XG: variants seen among roughly 807,000 people sequenced by gnomAD.
XG encodes Xg glycoprotein (Xg blood group), also known as glycoprotein Xg.
Under a neutral mutation model 25.7 loss-of-function variants are expected in XG, and 24 were observed. That is an observed-to-expected ratio of 0.93 (90% CI 0.68 to 1.31). The LOEUF (loss-of-function observed/expected upper bound fraction) is 1.31, where lower values mean the gene tolerates loss of function less well. Among genes scored for constraint, XG ranks in the 40% most tolerant of loss-of-function variants. The pLI, the probability that XG is intolerant of heterozygous loss-of-function variation, is 0.00. For missense variants in XG, 181 were observed against 187.6 expected, an observed-to-expected ratio of 0.96 and a Z score of 0.21; for synonymous variants, 77 against 69.2, an observed-to-expected ratio of 1.11 and a Z score of -0.56.
intron 1 of XG, chrX:2,753,030 G>T: frequency 1.0e-6 from 1 of 956,050 alleles, no homozygotes; most frequent in South Asian, 4.8e-5. Flanking sequence ...TTCATGTGGC[G>T]ATTTCAGAGA....
chrX:2,803,048 T>C (rs933795088), intron 7 of XG, among the ~76,000 whole-genome samples: 13 of 112,116 alleles, frequency 1.2e-4, no homozygotes, highest in African/African-American at 4.2e-4. Flanking sequence ...ATTTTCTCAC[T>C]GTTATAATTT....
chrX:2,811,695 A>G (rs112054249), intron 10 of XG, among the ~76,000 whole-genome samples: 1 of 111,664 alleles, frequency 9.0e-6, no homozygotes, highest in Non-Finnish European at 1.9e-5. Context: ...TCCTGGGTTC[A>G]AGAGATTCTC....
At chrX:2,755,560 C>CAT (rs1569456918) in intron 1 of XG, among the ~76,000 whole-genome samples, 2 of 152,120 alleles carry the variant, frequency 1.3e-5, no homozygotes, top group African/African-American at 2.4e-5. Context: ...ATGCCTTAAT[C>CAT]ATCTGGGAAT....
In XG at chrX:2,811,487, C is replaced by T; in HGVS notation, c.571+35C>T. The T allele has an allele frequency of 2.9e-6, 3 of 1,020,964 alleles. No homozygotes were observed. In the South Asian group the frequency reaches 7.1e-5, roughly 24 times the overall value. The allele number at this position is 1,020,964 out of a possible 1,213,427, so 84.1% of individuals were successfully genotyped here. ...GCTCTAAACATTGTTTTGCTTGTTA[C>T]TAAGCCTGATTTAAAAAAAAAAATT... is the stretch of plus-strand genomic sequence containing the variant. On this transcript the variant is annotated intron_variant, in intron 10 of 10. Transcript: ENST00000644266.
At chrX:2,767,878 G>A (rs1353971249) in intron 1 of XG, among the ~76,000 whole-genome samples, 5 of 152,264 alleles carry the variant, frequency 3.3e-5, no homozygotes, top group Admixed American at 2.0e-4. Context: ...TGTGAGTCAC[G>A]CGTGCAGCAA....
At chrX:2,772,636 G>T (rs899928120) in intron 2 of XG, among the ~76,000 whole-genome samples, 6 of 152,164 alleles carry the variant, frequency 3.9e-5, no homozygotes, top group African/African-American at 1.2e-4. Context: ...GATACAGGTG[G>T]TGATTGTACA....
In XG at chrX:2,816,400, G is replaced by A. The variant is rs967258597; in HGVS notation, c.*2020G>A. On this transcript the variant is annotated 3_prime_UTR_variant, in exon 11 of 11. Transcript: ENST00000644266. ...GTTTGCTTCTGGCTCTGCCATTACT[G>A]AGACAGCAGGACCAACCCTCCATCT... is the stretch of plus-strand genomic sequence containing the variant. 2 of 112,005 alleles carry A rather than the reference G, an allele frequency of 1.8e-5. No homozygotes were observed. Among genetic ancestry groups the A allele is most frequent in the Non-Finnish European group, 3.8e-5 (2 of 53,226 alleles). 9.2% of individuals were successfully genotyped at this position (112,005 alleles called of 1,213,427 possible).
intron 3 of XG, among the ~76,000 whole-genome samples, chrX:2,778,776 T>A (rs2051055562): frequency 8.8e-6 from 1 of 113,570 alleles, no homozygotes; most frequent in Non-Finnish European, 2.0e-5. Context: ...CATGCGATAC[T>A]TTTTTTTTTT....
At chrX:2,777,500 G>C (rs2051025001) in intron 3 of XG, among the ~76,000 whole-genome samples, 2 of 152,182 alleles carry the variant, frequency 1.3e-5, no homozygotes, top group African/African-American at 2.4e-5. Flanking sequence ...GGCTGAGGTG[G>C]GAGGATCACT....
chrX:2,782,447 A>T (rs751513032), intron 4 of XG, among the ~76,000 whole-genome samples: 1 of 111,923 alleles, frequency 8.9e-6, no homozygotes, highest in Non-Finnish European at 1.9e-5. Flanking sequence ...ATTCACGCAG[A>T]GCCGGCTCTA....
At chrX:2,806,095 A>T (rs2086994317) in intron 7 of XG, among the ~76,000 whole-genome samples, 2 of 112,163 alleles carry the variant, frequency 1.8e-5, no homozygotes, top group Non-Finnish European at 3.8e-5. Flanking sequence ...GGACGTGATC[A>T]TAGATCATTG....
At chrX:2,769,298 G>A (rs1176917113) in intron 1 of XG, among the ~76,000 whole-genome samples, 1 of 152,170 alleles carries the variant, frequency 6.6e-6, no homozygotes, top group Non-Finnish European at 1.5e-5. Flanking sequence ...GGCTCACCTG[G>A]TTCCCCCAGG....
chrX:2,766,663 C>CAA (rs1441490881), intron 1 of XG, among the ~76,000 whole-genome samples: 1 of 149,026 alleles, frequency 6.7e-6, no homozygotes, highest in Non-Finnish European at 1.5e-5. Context: ...CTCCCGGGTT[C>CAA]ACGCCATTCT....
intron 7 of XG, among the ~76,000 whole-genome samples, chrX:2,805,764 T>C (rs895598803): frequency 2.7e-5 from 3 of 111,679 alleles, no homozygotes; most frequent in African/African-American, 9.8e-5. Context: ...TCTGTAGTCC[T>C]ATTGGATTAG....
chrX:2,797,391 G>A lies in XG; in HGVS notation c.373+31G>A, dbSNP rs368746982. ...CCTACATCTGGGCATGCGATGGTGGGTGGAGGGTGGGAGGGGTCATCTTTC... is the reference window on the plus strand; with the variant it reads ...CCTACATCTGGGCATGCGATGGTGGATGGAGGGTGGGAGGGGTCATCTTTC... On this transcript the variant is annotated intron_variant, in intron 7 of 10. Coordinates refer to ENST00000644266, the MANE Select transcript of XG (RefSeq NM_001141919.2). The A allele has an allele frequency of 1.4e-5, 16 of 1,173,909 alleles. No individual in the cohort carries two copies. In the African/African-American group the frequency reaches 2.5e-4, roughly 18 times the overall value.
intron 3 of XG, among the ~76,000 whole-genome samples, chrX:2,780,838 A>G (rs1049096339): frequency 1.3e-5 from 2 of 152,182 alleles, no homozygotes; most frequent in African/African-American, 4.8e-5. Flanking sequence ...GAGACAAAAC[A>G]GTTGCCTTCT....
intron 4 of XG, among the ~76,000 whole-genome samples, chrX:2,783,928 T>C (rs1603457436): frequency 1.8e-5 from 2 of 112,238 alleles, no homozygotes; most frequent in East Asian, 2.8e-4. Context: ...TGAGCCAAGA[T>C]TGTGCCACTG....
intron 1 of XG, among the ~76,000 whole-genome samples, chrX:2,767,311 G>A (rs2050721983): frequency 6.6e-6 from 1 of 151,932 alleles, no homozygotes; most frequent in South Asian, 2.1e-4. Flanking sequence ...GCTTTACCGG[G>A]GGCTCATGTG....
In XG at chrX:2,769,356, T is replaced by A. The variant is rs2050766258; in HGVS notation, c.62-1194T>A. ...TGTTTGAGTGAGAGATTGTCCCCCC[T>A]GGACAATTCTGTAGATTCTGACTCT... On this transcript the variant is annotated intron_variant, in intron 1 of 10. Coordinates refer to ENST00000644266, the MANE Select transcript of XG (RefSeq NM_001141919.2). Among the ~76,000 whole-genome samples the A allele has an allele frequency of 2.0e-5, 3 of 152,192 alleles. No individual in the cohort carries two copies. In the South Asian group the frequency reaches 6.2e-4, roughly 32 times the overall value.
Sources: gnomAD v4.1 joint callset for allele counts (sites outside exome capture counted in the v4.1 genomes callset) on GRCh38, gnomAD v4.1.1 for gene constraint, MANE v1.5 for transcripts, NCBI Gene and HGNC (gene_info 2026-07-23, HGNC 2026-07-21) for gene names.